MYO3B: variants seen among roughly 807,000 people sequenced by gnomAD.
The protein encoded by MYO3B is myosin-IIIb.
A neutral mutation model predicts 174.6 loss-of-function variants in MYO3B; 156 were observed. The ratio of observed to expected loss-of-function variants is 0.89; its 90% CI spans 0.78 to 1.02. The LOEUF (loss-of-function observed/expected upper bound fraction) is 1.02. Ranked by LOEUF, MYO3B falls within the 50% of genes least tolerant of loss-of-function variation. The probability of loss-of-function intolerance (pLI) is 0.00; values close to 1 mark genes in which losing one functional copy is unlikely to be tolerated. For missense variants in MYO3B, 1,632 were observed against 1,639.4 expected, an observed-to-expected ratio of 1.00 and a Z score of 0.08; for synonymous variants, 563 against 569.1, an observed-to-expected ratio of 0.99 and a Z score of 0.15.
chr2:170,400,323 T>C lies in MYO3B; in HGVS notation c.1918+9T>C, dbSNP rs755968925. 5.0e-6 allele frequency: 8 copies of C among 1,613,962 alleles called. No homozygotes were observed. Among genetic ancestry groups the C allele is most frequent in the Non-Finnish European group, 6.8e-6 (8 of 1,179,968 alleles). On this transcript the variant is annotated intron_variant, in intron 17 of 34. Transcript: ENST00000408978. ...TGAAGCTTTGCAAAATGGTAATTAT[T>C]TGATATTTGTGGGCTGTGTTGTTGC...
At chr2:170,574,609 T>C (rs921119974) in intron 32 of MYO3B, among the ~76,000 whole-genome samples, 7 of 152,150 alleles carry the variant, frequency 4.6e-5, no homozygotes, top group Non-Finnish European at 7.4e-5. Context: ...GAAATACTCT[T>C]TGTAAAGTTA....
chr2:170,574,363 G>A lies in MYO3B; in HGVS notation c.3733+30375G>A, dbSNP rs114889057. Among the ~76,000 whole-genome samples the A allele has an allele frequency of 6.4e-3, 969 of 152,102 alleles. 4 individuals carry two copies. The highest frequency in any genetic ancestry group is 0.022 in the African/African-American group (930 of 41,484). ...GTTTTTAGGATTTCAACACAATTTGGGGATTTTTTTGCAATGCAGATATTT... is the reference window on the plus strand; with the variant it reads ...GTTTTTAGGATTTCAACACAATTTGAGGATTTTTTTGCAATGCAGATATTT... On this transcript the variant is annotated intron_variant, in intron 32 of 34. Coordinates refer to ENST00000408978, the MANE Select transcript of MYO3B (RefSeq NM_138995.5).
At chr2:170,363,353 GT>G (rs780819408) in intron 8 of MYO3B, among the ~76,000 whole-genome samples, 1 of 152,076 alleles carries the variant, frequency 6.6e-6, no homozygotes, top group African/African-American at 2.4e-5. Context: ...TATATCAAGT[GT>G]TTTATTCATT....
intron 7 of MYO3B, among the ~76,000 whole-genome samples, chr2:170,262,776 G>C (rs920430237): frequency 3.9e-5 from 6 of 152,244 alleles, no homozygotes; most frequent in African/African-American, 1.4e-4. Context: ...CATCATCTTT[G>C]CTCACTCCTT....
chr2:170,426,206 G>T (rs962900728), intron 22 of MYO3B, among the ~76,000 whole-genome samples: 1 of 151,704 alleles, frequency 6.6e-6, no homozygotes, highest in African/African-American at 2.4e-5. Flanking sequence ...GGGTGCTGGG[G>T]CTCATGCCTG....
chr2:170,394,483 A>G (rs973529721), intron 16 of MYO3B, among the ~76,000 whole-genome samples: 1 of 152,208 alleles, frequency 6.6e-6, no homozygotes, highest in African/African-American at 2.4e-5. Context: ...GAAGTAAGCC[A>G]TCCCTAGCCC....
chr2:170,415,110 A>G (rs970350745), intron 22 of MYO3B, among the ~76,000 whole-genome samples: 2 of 152,068 alleles, frequency 1.3e-5, no homozygotes, highest in Non-Finnish European at 1.5e-5. Flanking sequence ...TTCCAGTATG[A>G]TATTGGATAA....
rs1361777702 is a variant in MYO3B at position 170,386,231 on chromosome 2, A to G, written c.1333A>G (p.Ser445Gly). 2 of 1,613,620 alleles carry G rather than the reference A, an allele frequency of 1.2e-6. No individual in the cohort carries two copies. The highest frequency in any genetic ancestry group is 1.7e-6 in the Non-Finnish European group (2 of 1,179,654). The change falls in exon 13 of 35, where the codon AGC becomes GGC. Residue 445 changes from serine (S) to glycine (G), a missense_variant. By Grantham distance (56) the Ser-to-Gly change is moderately conservative. Transcript: ENST00000408978. ...SGESGSGKTESAHLIVQHLTF... is the reference protein window; with the variant it reads ...SGESGSGKTEGAHLIVQHLTF... ...AGAGAGTGGCTCTGGGAAGACAGAA[A>G]GCGCCCACCTGATTGTTCAGCATTT...
chr2:170,475,802 G>A (rs1685282729), intron 25 of MYO3B, among the ~76,000 whole-genome samples: 1 of 152,216 alleles, frequency 6.6e-6, no homozygotes, highest in Admixed American at 6.5e-5. Flanking sequence ...TCAGCAAAGT[G>A]AGGAGGCAAA....
chr2:170,637,398 C>G (rs1453095475), intron 32 of MYO3B, among the ~76,000 whole-genome samples: 3 of 151,988 alleles, frequency 2.0e-5, no homozygotes, highest in Non-Finnish European at 4.4e-5. Context: ...GTCTTAAACT[C>G]CTGGCCTCAA....
intron 32 of MYO3B, among the ~76,000 whole-genome samples, chr2:170,579,122 A>C (rs1692973580): frequency 6.6e-6 from 1 of 152,220 alleles, no homozygotes; most frequent in South Asian, 2.1e-4. Flanking sequence ...AAAAACTATG[A>C]CTAGCAAAGA....
intron 9 of MYO3B, among the ~76,000 whole-genome samples, chr2:170,374,905 T>C (rs1309315848): frequency 2.0e-5 from 3 of 152,192 alleles, no homozygotes; most frequent in Non-Finnish European, 4.4e-5. Context: ...AGTGTATGTA[T>C]GACATCATTG....
rs1559058689 is a variant in MYO3B at position 170,498,706 on chromosome 2, AGTTC to A, written c.3126+8_3126+11del. 2 of 1,562,694 alleles carry A rather than the reference AGTTC, an allele frequency of 1.3e-6. No individual in the cohort carries two copies. The highest frequency in any genetic ancestry group is 3.3e-5 in the Admixed American group (2 of 59,832). On this transcript the variant is annotated splice_donor_5th_base_variant and intron_variant, in intron 26 of 34. Transcript: ENST00000408978. ...ACTGGGTACTGGGAAAAACAAAGGT[AGTTC>A]GTTCTTTATTGTTCAAATTGTCCCG...
Position 170,529,629 on chromosome 2 carries a change from C to A in MYO3B, c.3575+10089C>A, listed in dbSNP as rs146439967. On this transcript the variant is annotated intron_variant, in intron 30 of 34. Coordinates refer to ENST00000408978, the MANE Select transcript of MYO3B (RefSeq NM_138995.5). ...TAGAAATTCAGCACATTGCTGGTACCTACGTTGTATCCTCATCAAGCTCTT... is the reference window on the plus strand; with the variant it reads ...TAGAAATTCAGCACATTGCTGGTACATACGTTGTATCCTCATCAAGCTCTT... Among the ~76,000 whole-genome samples the A allele has an allele frequency of 8.4e-3, 1,273 of 152,284 alleles. 6 individuals are homozygous for A. The highest frequency in any genetic ancestry group is 0.013 in the Non-Finnish European group (896 of 68,024).
chr2:170,397,001 T>G (rs1464470072), intron 16 of MYO3B, among the ~76,000 whole-genome samples: 4 of 152,152 alleles, frequency 2.6e-5, no homozygotes, highest in Admixed American at 2.6e-4. Flanking sequence ...AGTTGCTCAG[T>G]GTAGTGAGCA....
intron 7 of MYO3B, among the ~76,000 whole-genome samples, chr2:170,321,091 C>T (rs372513055): frequency 6.6e-6 from 1 of 151,888 alleles, no homozygotes; most frequent in African/African-American, 2.4e-5. Context: ...ATAATGATAC[C>T]CCATCTGCTA....
intron 8 of MYO3B, among the ~76,000 whole-genome samples, chr2:170,367,756 G>C (rs775033506): frequency 6.6e-6 from 1 of 152,180 alleles, no homozygotes; most frequent in Non-Finnish European, 1.5e-5. Context: ...CATGAACACA[G>C]TCTTCTTAAA....
At chr2:170,336,861 ATTTG>A (rs779092597) in intron 8 of MYO3B, among the ~76,000 whole-genome samples, 1 of 152,082 alleles carries the variant, frequency 6.6e-6, no homozygotes, top group South Asian at 2.1e-4. Context: ...GGGTCCCTGA[ATTTG>A]TTTGCTTTTC....
chr2:170,369,115 A>G, intron 8 of MYO3B, 107 bp from the exon 9 acceptor site: 4 of 931,146 alleles, frequency 4.3e-6, no homozygotes, highest in South Asian at 2.2e-5. Flanking sequence ...TTAACCAATG[A>G]TCAGGTTTTA....
Sources: gnomAD v4.1 joint callset for allele counts (sites outside exome capture counted in the v4.1 genomes callset) on GRCh38, gnomAD v4.1.1 for gene constraint, MANE v1.5 for transcripts, NCBI Gene and HGNC (gene_info 2026-07-23, HGNC 2026-07-21) for gene names.